Variants in SHISA6 observed in about 807,000 individuals in gnomAD.
The protein encoded by SHISA6 is protein shisa-6.
SHISA6 carries 22 observed loss-of-function variants against 47.9 expected under a neutral mutation model. The ratio of observed to expected loss-of-function variants is 0.46; its 90% CI spans 0.33 to 0.66. The LOEUF (loss-of-function observed/expected upper bound fraction) is 0.66, where lower values mean the gene tolerates loss of function less well. Among genes scored for constraint, SHISA6 ranks in the 30% least tolerant of loss-of-function variants. The pLI is 0.02. For missense variants in SHISA6, 680 were observed against 764.6 expected, an observed-to-expected ratio of 0.89 and a Z score of 1.30; for synonymous variants, 388 against 337.8, an observed-to-expected ratio of 1.15 and a Z score of -1.63.
intron 3 of SHISA6, among the ~76,000 whole-genome samples, chr17:11,436,096 G>A (rs1914930895): frequency 6.6e-6 from 1 of 152,190 alleles, no homozygotes; most frequent in African/African-American, 2.4e-5. Flanking sequence ...GCCATAGGCT[G>A]AATGCCTGGG....
chr17:11,468,539 G>T (rs928015973), intron 3 of SHISA6, among the ~76,000 whole-genome samples: 13 of 152,068 alleles, frequency 8.5e-5, no homozygotes, highest in African/African-American at 2.9e-4. Flanking sequence ...GGGGGCTCTG[G>T]TACCTGGGGA....
At chr17:11,549,289 T>A (rs1157645990) in intron 3 of SHISA6, among the ~76,000 whole-genome samples, 2 of 152,234 alleles carry the variant, frequency 1.3e-5, no homozygotes, top group South Asian at 2.1e-4. Context: ...ATCCTTGTAC[T>A]TAACTTAAAA....
intron 2 of SHISA6, among the ~76,000 whole-genome samples, chr17:11,369,822 C>T (rs1912572327): frequency 6.6e-6 from 1 of 152,192 alleles, no homozygotes; most frequent in Admixed American, 6.5e-5. Flanking sequence ...AAGGGGATTA[C>T]AGCCAGCATA....
intron 3 of SHISA6, among the ~76,000 whole-genome samples, chr17:11,426,513 A>C (rs1457630427): frequency 6.6e-6 from 1 of 152,198 alleles, no homozygotes; most frequent in Non-Finnish European, 1.5e-5. Flanking sequence ...GGTGCAGTAC[A>C]CACCTACAGA....
intron 3 of SHISA6, among the ~76,000 whole-genome samples, chr17:11,414,083 C>T (rs151127617): frequency 0.011 from 1,659 of 151,354 alleles, 49 homozygotes; most frequent in Admixed American, 0.061. Flanking sequence ...CTTCTTCCTC[C>T]TCTCCCCTCC....
chr17:11,558,500 C>A lies in SHISA6; in HGVS notation c.*196C>A. 1.6e-6 allele frequency: 1 copy of A among 623,342 alleles called. No homozygotes were observed. The highest frequency in any genetic ancestry group is 2.8e-6 in the Non-Finnish European group (1 of 358,912). The allele number at this position is 623,342 out of a possible 1,614,324, so 38.6% of individuals were successfully genotyped here. On this transcript the variant is annotated 3_prime_UTR_variant, in exon 6 of 6. Coordinates refer to ENST00000441885, the MANE Select transcript of SHISA6 (RefSeq NM_207386.4). ...ATGGCCTGGTCCAATACACTTAGACCCAGGACCAAGAGCAATCGCTCTTGC... is the reference window on the plus strand; with the variant it reads ...ATGGCCTGGTCCAATACACTTAGACACAGGACCAAGAGCAATCGCTCTTGC...
At chr17:11,348,561 T>C (rs1344362388) in intron 2 of SHISA6, among the ~76,000 whole-genome samples, 2 of 152,156 alleles carry the variant, frequency 1.3e-5, no homozygotes, top group Admixed American at 6.5e-5. Context: ...AAATATTCTA[T>C]GATCCCAATA....
chr17:11,284,661 T>A (rs1272581045), intron 2 of SHISA6, among the ~76,000 whole-genome samples: 2 of 152,212 alleles, frequency 1.3e-5, no homozygotes, highest in Non-Finnish European at 2.9e-5. Flanking sequence ...ATGTGCTCAT[T>A]TGAACAAAGT....
chr17:11,392,904 A>G (rs535372401), intron 3 of SHISA6, among the ~76,000 whole-genome samples: 2 of 152,318 alleles, frequency 1.3e-5, no homozygotes, highest in South Asian at 4.1e-4. Context: ...GGGGCTGAAT[A>G]AGGCAGGTTC....
At chr17:11,292,242 A>G (rs1353122204) in intron 2 of SHISA6, among the ~76,000 whole-genome samples, 2 of 152,074 alleles carry the variant, frequency 1.3e-5, no homozygotes, top group Non-Finnish European at 2.9e-5. Flanking sequence ...TCTGGTGGTT[A>G]GGGCATTAAC....
intron 2 of SHISA6, chr17:11,288,434 CTT>C (rs1472340552): frequency 6.6e-6 from 1 of 151,718 alleles, no homozygotes; most frequent in Non-Finnish European, 1.5e-5. Flanking sequence ...TTTCTTCTCT[CTT>C]TCTCTCTTTT....
intron 2 of SHISA6, among the ~76,000 whole-genome samples, chr17:11,363,852 C>A (rs1567585132): frequency 6.6e-6 from 1 of 152,176 alleles, no homozygotes; most frequent in Admixed American, 6.5e-5. Context: ...CTAGAAATTT[C>A]TGAGTAGCTT....
intron 2 of SHISA6, among the ~76,000 whole-genome samples, chr17:11,273,934 C>T (rs1003636254): frequency 6.6e-6 from 1 of 151,976 alleles, no homozygotes; most frequent in Non-Finnish European, 1.5e-5. Flanking sequence ...TTATGCCATT[C>T]AGGAAGGGAG....
chr17:11,278,096 A>G (rs1908987621), intron 2 of SHISA6, among the ~76,000 whole-genome samples: 1 of 152,204 alleles, frequency 6.6e-6, no homozygotes, highest in African/African-American at 2.4e-5. Flanking sequence ...AAAAAATATC[A>G]GGTGAAGTGA....
intron 4 of SHISA6, among the ~76,000 whole-genome samples, chr17:11,553,382 T>TA (rs1332079855): frequency 6.6e-6 from 1 of 152,198 alleles, no homozygotes; most frequent in African/African-American, 2.4e-5. Flanking sequence ...TCAGTCACAC[T>TA]ACCCAGCTCA....
At chr17:11,524,336 G>C (rs1161976589) in intron 3 of SHISA6, among the ~76,000 whole-genome samples, 5 of 151,872 alleles carry the variant, frequency 3.3e-5, no homozygotes, top group African/African-American at 1.2e-4. Context: ...AGGTTAATAT[G>C]GTCCATAATT....
intron 2 of SHISA6, among the ~76,000 whole-genome samples, chr17:11,295,754 G>C (rs928420209): frequency 1.1e-4 from 16 of 152,068 alleles, no homozygotes; most frequent in African/African-American, 3.1e-4. Context: ...ATGAGGTCAG[G>C]AGATTAAGAC....
At chr17:11,355,305 G>T (rs1912044929) in intron 2 of SHISA6, among the ~76,000 whole-genome samples, 2 of 152,158 alleles carry the variant, frequency 1.3e-5, no homozygotes, top group South Asian at 4.1e-4. Context: ...GTCCCCTCGT[G>T]GTATCACATG....
intron 2 of SHISA6, among the ~76,000 whole-genome samples, chr17:11,350,178 A>ATTTTTTT (rs199879665): frequency 1.3e-4 from 13 of 101,152 alleles, no homozygotes; most frequent in East Asian, 3.7e-4. Context: ...TTATTTATTT[A>ATTTTTTT]TTTATTTTTT....
Sources: allele counts gnomAD v4.1 joint callset (sites outside exome capture counted in the v4.1 genomes callset), GRCh38; gene constraint gnomAD v4.1.1; transcripts MANE v1.5; gene names NCBI Gene and HGNC (gene_info 2026-07-23, HGNC 2026-07-21).